LEKR1: variants seen among roughly 807,000 people sequenced by gnomAD.
LEKR1 encodes leucine, glutamate and lysine rich 1.
LEKR1 carries 59 observed loss-of-function variants against 72.4 expected under a neutral mutation model. That is an observed-to-expected ratio of 0.82 (90% CI 0.66 to 1.01). LEKR1 has a LOEUF of 1.01. Among genes scored for constraint, LEKR1 ranks in the 50% least tolerant of loss-of-function variants. The probability of loss-of-function intolerance (pLI) is 0.00; values close to 1 mark genes in which losing one functional copy is unlikely to be tolerated. For synonymous variants in LEKR1, 257 were observed against 263.2 expected, an observed-to-expected ratio of 0.98 and a Z score of 0.23; for missense variants, 728 against 759.2, an observed-to-expected ratio of 0.96 and a Z score of 0.48.
chr3:156,898,388 A>G (rs1721416662), intron 3 of LEKR1, among the ~76,000 whole-genome samples: 1 of 152,102 alleles, frequency 6.6e-6, no homozygotes, highest in Non-Finnish European at 1.5e-5. Context: ...TAAAAAAAGA[A>G]AAAAAAATCA....
At chr3:157,013,017 G>A (rs975603350) in intron 10 of LEKR1, among the ~76,000 whole-genome samples, 1 of 151,982 alleles carries the variant, frequency 6.6e-6, no homozygotes, top group African/African-American at 2.4e-5. Context: ...TTAACACTGT[G>A]GTTAAGATCT....
chr3:156,980,253 C>G (rs528127997), intron 7 of LEKR1, among the ~76,000 whole-genome samples: 1 of 152,184 alleles, frequency 6.6e-6, no homozygotes, highest in African/African-American at 2.4e-5. Flanking sequence ...TGACCATGAA[C>G]TACTCCTAAA....
At chr3:156,975,677 AC>A (rs1364929071) in intron 6 of LEKR1, among the ~76,000 whole-genome samples, 2 of 152,172 alleles carry the variant, frequency 1.3e-5, no homozygotes, top group Non-Finnish European at 2.9e-5. Flanking sequence ...TATCCAGCAA[AC>A]AGCTGGCTTC....
intron 3 of LEKR1, among the ~76,000 whole-genome samples, chr3:156,879,559 C>A (rs1410596903): frequency 6.6e-6 from 1 of 152,148 alleles, no homozygotes; most frequent in Non-Finnish European, 1.5e-5. Flanking sequence ...AAATTCAAGC[C>A]AGCTACATAA....
intron 3 of LEKR1, among the ~76,000 whole-genome samples, chr3:156,859,886 C>G (rs1269654352): frequency 6.6e-6 from 1 of 152,198 alleles, no homozygotes; most frequent in African/African-American, 2.4e-5. Context: ...AGTCACCCTT[C>G]CCCTACTCAG....
intron 3 of LEKR1, among the ~76,000 whole-genome samples, chr3:156,899,481 C>G (rs35796096): frequency 5.3e-5 from 1 of 18,876 alleles, no homozygotes; most frequent in Non-Finnish European, 1.1e-4. Flanking sequence ...TATATACATA[C>G]ATACATATAT....
intron 10 of LEKR1, among the ~76,000 whole-genome samples, chr3:157,019,045 G>A (rs1733603428): frequency 6.6e-6 from 1 of 152,016 alleles, no homozygotes; most frequent in Non-Finnish European, 1.5e-5. Flanking sequence ...CTAAAGTACT[G>A]TAATAATTTG....
rs1464343662 is a variant in LEKR1 at position 157,020,772 on chromosome 3, A to G, written c.1204-3988A>G. On this transcript the variant is annotated intron_variant, in intron 10 of 12. Coordinates refer to ENST00000356539, the MANE Select transcript of LEKR1 (RefSeq NM_001004316.3). ...ATGTGTCTTTATAGCAGCATGATTT[A>G]TGGTCCTTTGGGTATATACCCAGTA... 1.9e-4 allele frequency among the ~76,000 whole-genome samples: 29 copies of G among 152,198 alleles called. 2 individuals are homozygous for G. The highest frequency in any genetic ancestry group is 1.4e-3 in the Admixed American group (21 of 15,272).
chr3:156,841,638 T>C (rs938124839), intron 2 of LEKR1, among the ~76,000 whole-genome samples: 15 of 152,336 alleles, frequency 9.8e-5, no homozygotes, highest in Middle Eastern at 3.4e-3. Flanking sequence ...ATGCCTATTA[T>C]GTGCCAGTCC....
intron 12 of LEKR1, among the ~76,000 whole-genome samples, chr3:157,036,973 T>G (rs550394874): frequency 6.6e-6 from 1 of 152,312 alleles, no homozygotes; most frequent in African/African-American, 2.4e-5. Context: ...AATGTCATCT[T>G]AGTACATAAC....
intron 3 of LEKR1, among the ~76,000 whole-genome samples, chr3:156,869,216 G>T (rs1173747105): frequency 6.6e-6 from 1 of 152,004 alleles, no homozygotes; most frequent in Non-Finnish European, 1.5e-5. Flanking sequence ...TAAATGTCCT[G>T]TAGTGGGATT....
chr3:156,878,543 C>T (rs1040829724), intron 3 of LEKR1, among the ~76,000 whole-genome samples: 1 of 152,104 alleles, frequency 6.6e-6, no homozygotes, highest in Admixed American at 6.5e-5. Flanking sequence ...TTTGTGAACT[C>T]TCATGTGGTC....
chr3:157,012,774 T>G (rs1732995935), intron 10 of LEKR1, among the ~76,000 whole-genome samples: 1 of 152,128 alleles, frequency 6.6e-6, no homozygotes, highest in Non-Finnish European at 1.5e-5. Context: ...TGTTTTATTT[T>G]GTAGTATAGG....
chr3:156,949,469 G>T (rs1280176581), intron 6 of LEKR1, among the ~76,000 whole-genome samples: 1 of 151,510 alleles, frequency 6.6e-6, no homozygotes, highest in Non-Finnish European at 1.5e-5. Context: ...TCAGATTGTT[G>T]TAGGTTTGCG....
At chr3:156,880,639 A>G (rs1384689225) in intron 3 of LEKR1, among the ~76,000 whole-genome samples, 3 of 152,210 alleles carry the variant, frequency 2.0e-5, no homozygotes, top group African/African-American at 4.8e-5. Flanking sequence ...AATCCTCCCT[A>G]ACTCATTTTA....
chr3:157,017,999 C>T (rs924977031), intron 10 of LEKR1, among the ~76,000 whole-genome samples: 1 of 146,552 alleles, frequency 6.8e-6, no homozygotes, highest in Non-Finnish European at 1.5e-5. Context: ...ATATTACTAT[C>T]AACAAAGTAG....
intron 5 of LEKR1, among the ~76,000 whole-genome samples, chr3:156,934,804 CAT>C (rs542404760): frequency 2.7e-5 from 4 of 150,770 alleles, no homozygotes; most frequent in Admixed American, 1.3e-4. Flanking sequence ...TCTTTCTGTG[CAT>C]ATATATATAT....
rs78425097 is a variant in LEKR1, at chr3:156,873,698, C to T, written c.263+20716C>T. Among the ~76,000 whole-genome samples the T allele has an allele frequency of 8.4e-3, 1,281 of 152,038 alleles. 25 individuals carry two copies. Among genetic ancestry groups the T allele is most frequent in the African/African-American group, 0.03 (1,230 of 41,472 alleles). On this transcript the variant is annotated intron_variant, in intron 3 of 12. Coordinates refer to ENST00000356539, the MANE Select transcript of LEKR1 (RefSeq NM_001004316.3). ...AACCAATCTAGTGGTGATGAATTCC[C>T]TCAGCTTTTGCATGTCTGGAAAAGA...
intron 12 of LEKR1, among the ~76,000 whole-genome samples, chr3:157,038,973 A>G (rs1365871411): frequency 1.3e-5 from 2 of 152,196 alleles, no homozygotes; most frequent in Non-Finnish European, 2.9e-5. Context: ...TTGGATGTCA[A>G]AAGTAAGGCT....
Sources: allele counts gnomAD v4.1 joint callset (sites outside exome capture counted in the v4.1 genomes callset), GRCh38; gene constraint gnomAD v4.1.1; transcripts MANE v1.5; gene names NCBI Gene and HGNC (gene_info 2026-07-23, HGNC 2026-07-21).